CSRNP3: variants seen among roughly 807,000 people sequenced by gnomAD.
The protein encoded by CSRNP3 is cysteine/serine-rich nuclear protein 3.
Under a neutral mutation model 48.0 loss-of-function variants are expected in CSRNP3, and 12 were observed. The ratio of observed to expected loss-of-function variants is 0.25; its 90% CI spans 0.16 to 0.41. The LOEUF is 0.41. Ranked by LOEUF, CSRNP3 falls within the 10% of genes least tolerant of loss-of-function variation. The pLI is 1.00. For missense variants in CSRNP3, 580 were observed against 724.4 expected (o/e 0.80, Z 2.29); for synonymous variants, 263 against 269.7 (o/e 0.98, Z 0.24).
At chr2:165,516,443 TAC>T (rs1242452700) in intron 2 of CSRNP3, among the ~76,000 whole-genome samples, 8 of 152,136 alleles carry the variant, frequency 5.3e-5, no homozygotes, top group South Asian at 4.1e-4. Flanking sequence ...TTGAAAAACG[TAC>T]AGAGAGGTTG....
At chr2:165,544,592 G>A (rs1684999704) in intron 3 of CSRNP3, among the ~76,000 whole-genome samples, 1 of 151,776 alleles carries the variant, frequency 6.6e-6, no homozygotes, top group Non-Finnish European at 1.5e-5. Flanking sequence ...AGAGGAGAAG[G>A]AAATGGTTTG....
intron 3 of CSRNP3, among the ~76,000 whole-genome samples, chr2:165,540,728 C>A (rs1684945521): frequency 6.6e-6 from 1 of 151,952 alleles, no homozygotes; most frequent in South Asian, 2.1e-4. Context: ...TCTGAATTAC[C>A]AGTTTAGTCT....
At chr2:165,656,421 A>G (rs564503617) in intron 4 of CSRNP3, among the ~76,000 whole-genome samples, 1 of 152,306 alleles carries the variant, frequency 6.6e-6, no homozygotes, top group Middle Eastern at 3.4e-3. Context: ...CATCATTACC[A>G]CAAAAAAATC....
rs1553472387 is a variant in CSRNP3, at chr2:165,520,783, T to TTATATACATATATATA, written c.-24+2828_-24+2829insCATATATATATATATA. Among the ~76,000 whole-genome samples the TTATATACATATATATA allele has an allele frequency of 3.4e-4, 10 of 29,690 alleles. 1 individual carries two copies. Among genetic ancestry groups the TTATATACATATATATA allele is most frequent in the Admixed American group, 2.4e-3 (5 of 2,064 alleles). 19.5% of individuals were successfully genotyped at this position (29,690 alleles called of 152,430 possible). On this transcript the variant is annotated intron_variant, in intron 3 of 6. Transcript: ENST00000651982. ...TATAGAAATATATTATATATATATA[T>TTATATACATATATATA]TATATATATATATATATATATATAT... is the stretch of plus-strand genomic sequence containing the variant.
intron 3 of CSRNP3, among the ~76,000 whole-genome samples, chr2:165,527,309 G>A (rs1684745647): frequency 6.8e-6 from 1 of 146,086 alleles, no homozygotes; most frequent in Non-Finnish European, 1.5e-5. Flanking sequence ...CAGGTTCACA[G>A]TATTCTCCTG....
intron 2 of CSRNP3, among the ~76,000 whole-genome samples, chr2:165,495,998 T>TA (rs1418979031): frequency 1.3e-5 from 2 of 152,072 alleles, no homozygotes; most frequent in Admixed American, 6.6e-5. Context: ...AGTATAATTT[T>TA]AAAAAAATTA....
chr2:165,537,164 C>A (rs1020625), intron 3 of CSRNP3, among the ~76,000 whole-genome samples: 150,233 of 151,540 alleles, frequency 0.99, 74,484 homozygotes, highest in East Asian at 1. Context: ...ATGTCAGGAG[C>A]GAGGGATGGT....
intron 5 of CSRNP3, among the ~76,000 whole-genome samples, chr2:165,675,705 C>T (rs1456961611): frequency 1.3e-5 from 2 of 152,192 alleles, no homozygotes; most frequent in African/African-American, 2.4e-5. Context: ...TGTTCTTTGT[C>T]TTACTAAGAG....
At chr2:165,482,605 A>G (rs1031726183) in intron 1 of CSRNP3, among the ~76,000 whole-genome samples, 1 of 152,134 alleles carries the variant, frequency 6.6e-6, no homozygotes, top group African/African-American at 2.4e-5. Context: ...ATATCACCAC[A>G]AATTCAGATT....
At chr2:165,523,170 G>A (rs1350313406) in intron 3 of CSRNP3, among the ~76,000 whole-genome samples, 1 of 152,102 alleles carries the variant, frequency 6.6e-6, no homozygotes, top group African/African-American at 2.4e-5. Flanking sequence ...CTCTAAGAGG[G>A]CTCAGGAGTC....
chr2:165,667,040 AAG>A (rs1229305267), intron 5 of CSRNP3, among the ~76,000 whole-genome samples: 1 of 77,912 alleles, frequency 1.3e-5, no homozygotes, highest in Non-Finnish European at 3.1e-5. Context: ...GGAAGAAAGA[AAG>A]AGAGAGAGAA....
intron 4 of CSRNP3, among the ~76,000 whole-genome samples, chr2:165,610,267 T>G (rs111643756): frequency 6.6e-6 from 1 of 152,194 alleles, no homozygotes; most frequent in African/African-American, 2.4e-5. Context: ...AACAGCATAA[T>G]CAATCTTTCT....
chr2:165,663,136 A>G (rs536944291), intron 5 of CSRNP3, among the ~76,000 whole-genome samples: 3 of 152,312 alleles, frequency 2.0e-5, no homozygotes, highest in East Asian at 1.9e-4. Flanking sequence ...CTTTTGATTT[A>G]TCTTCCAGAT....
chr2:165,613,915 T>G (rs1209672497), intron 4 of CSRNP3, among the ~76,000 whole-genome samples: 1 of 137,352 alleles, frequency 7.3e-6, no homozygotes, highest in South Asian at 2.2e-4. Flanking sequence ...TTTTAGAGTG[T>G]TTTTTTTTTT....
intron 3 of CSRNP3, among the ~76,000 whole-genome samples, chr2:165,543,406 A>G (rs997406610): frequency 6.6e-6 from 1 of 152,192 alleles, no homozygotes; most frequent in Admixed American, 6.6e-5. Context: ...TCTTATGAAC[A>G]TTTAAATGAT....
intron 1 of CSRNP3, among the ~76,000 whole-genome samples, chr2:165,471,370 T>C (rs768943600): frequency 8.6e-5 from 13 of 151,964 alleles, no homozygotes; most frequent in Non-Finnish European, 1.8e-4. Flanking sequence ...CACCCCAAGA[T>C]TGAAATTCAA....
chr2:165,565,365 A>G (rs566257459), intron 3 of CSRNP3, among the ~76,000 whole-genome samples: 19 of 152,194 alleles, frequency 1.2e-4, no homozygotes, highest in Middle Eastern at 3.4e-3. Flanking sequence ...TGAAATGTTG[A>G]TGTTCTAAAC....
Position 165,676,095 on chromosome 2 carries a change from A to G in CSRNP3, c.409-217A>G, listed in dbSNP as rs557605976. Among the ~76,000 whole-genome samples the G allele has an allele frequency of 2.0e-5, 3 of 152,286 alleles. No homozygotes were observed. The East Asian group carries it at 5.8e-4, about 29-fold the overall frequency. Reference sequence around the variant, plus strand: ...ATTAGGAGTTTATGAGTTCCAATTAACAGTCTTCTGTTACCCGTACATTTA... The same window carrying G: ...ATTAGGAGTTTATGAGTTCCAATTAGCAGTCTTCTGTTACCCGTACATTTA... On this transcript the variant is annotated intron_variant, in intron 5 of 6. Transcript: ENST00000651982.
rs191321781 is a variant in CSRNP3, at chr2:165,667,967, C to T, written c.409-8345C>T. On this transcript the variant is annotated intron_variant, in intron 5 of 6. Coordinates refer to ENST00000651982, the MANE Select transcript of CSRNP3 (RefSeq NM_001172173.2). ...ATGCCATAGTGATTAAGAATATTCA[C>T]TTATTCATTTTAAAAATGTATTAAT... Among the ~76,000 whole-genome samples the T allele has an allele frequency of 1.8e-3, 276 of 152,326 alleles. 3 individuals carry two copies. Among genetic ancestry groups the T allele is most frequent in the African/African-American group, 6.3e-3 (263 of 41,578 alleles).
Sources: gnomAD v4.1 joint callset for allele counts (sites outside exome capture counted in the v4.1 genomes callset) on GRCh38, gnomAD v4.1.1 for gene constraint, MANE v1.5 for transcripts, NCBI Gene and HGNC (gene_info 2026-07-23, HGNC 2026-07-21) for gene names.